Variants in CPA6 observed in about 807,000 individuals in gnomAD.
The protein encoded by CPA6 is carboxypeptidase A6.
A neutral mutation model predicts 63.3 loss-of-function variants in CPA6; 58 were observed. The ratio of observed to expected loss-of-function variants is 0.92; its 90% CI spans 0.74 to 1.14. CPA6 has a LOEUF of 1.14. Ranked by LOEUF, CPA6 falls within the 50% of genes most tolerant of loss-of-function variation. CPA6 has a pLI of 0.00. For synonymous variants in CPA6, 185 were observed against 179.0 expected, an observed-to-expected ratio of 1.03 and a Z score of -0.27; for missense variants, 565 against 526.6, an observed-to-expected ratio of 1.07 and a Z score of -0.71.
chr8:67,624,192 A>G lies in CPA6; in HGVS notation c.176T>C (p.Ile59Thr), dbSNP rs776350103. 2 of 1,548,926 alleles carry G rather than the reference A, an allele frequency of 1.3e-6. No homozygotes were observed. Among genetic ancestry groups the G allele is most frequent in the Non-Finnish European group, 1.8e-6 (2 of 1,122,506 alleles). The change falls in exon 2 of 11, where the codon ATA (isoleucine) becomes ACA (threonine). Residue 59 changes from isoleucine to threonine, a missense_variant. Ile to Thr is a moderately conservative substitution (Grantham distance 89, BLOSUM62 -1). Coordinates refer to ENST00000297770, the MANE Select transcript of CPA6 (RefSeq NM_020361.5). ...TEEEAYALKK[I>T]SYQLKVDLWQ... ...TTCTATTACCTTAAGTTGATAGGATATTTTCTTCAGTGCATATGCTTCCTC... is the reference window on the plus strand; with the variant it reads ...TTCTATTACCTTAAGTTGATAGGATGTTTTCTTCAGTGCATATGCTTCCTC...
intron 1 of CPA6, among the ~76,000 whole-genome samples, chr8:67,676,273 C>T (rs1816472907): frequency 6.6e-6 from 1 of 152,146 alleles, no homozygotes; most frequent in South Asian, 2.1e-4. Context: ...CATTCACTTC[C>T]CACCAAGTGG....
rs543283293 is a variant in CPA6, at chr8:67,587,749, G to A, written c.192+36427C>T. On this transcript the variant is annotated intron_variant, in intron 2 of 10. Coordinates refer to ENST00000297770, the MANE Select transcript of CPA6 (RefSeq NM_020361.5). ...GTGGGTCATTATGTGTTGTTGTGTAGGTAAAGGCTTACTAATTGTGTAAAG... is the reference window on the plus strand; with the variant it reads ...GTGGGTCATTATGTGTTGTTGTGTAAGTAAAGGCTTACTAATTGTGTAAAG... 2.6e-5 allele frequency among the ~76,000 whole-genome samples: 4 copies of A among 152,220 alleles called. No individual in the cohort carries two copies. The East Asian group carries it at 7.7e-4, about 29-fold the overall frequency.
At chr8:67,667,414 A>G (rs1816254338) in intron 1 of CPA6, among the ~76,000 whole-genome samples, 1 of 151,980 alleles carries the variant, frequency 6.6e-6, no homozygotes, top group South Asian at 2.1e-4. Flanking sequence ...CAGAGCCAAA[A>G]CCAGGGCCTG....
intron 2 of CPA6, among the ~76,000 whole-genome samples, chr8:67,559,781 G>A (rs530997967): frequency 1.3e-5 from 2 of 151,760 alleles, no homozygotes; most frequent in Admixed American, 6.6e-5. Context: ...CAACAAGATG[G>A]GAAATTTGTC....
intron 5 of CPA6, among the ~76,000 whole-genome samples, chr8:67,508,534 G>A (rs115292198): frequency 1.3e-5 from 2 of 152,092 alleles, no homozygotes; most frequent in South Asian, 4.1e-4. Flanking sequence ...AAGTAAGGCT[G>A]AGGATAGATT....
chr8:67,559,888 C>T (rs551715119), intron 2 of CPA6, among the ~76,000 whole-genome samples: 1 of 150,358 alleles, frequency 6.7e-6, no homozygotes, highest in South Asian at 2.1e-4. Flanking sequence ...CACACACACA[C>T]ATATATATAG....
intron 8 of CPA6, among the ~76,000 whole-genome samples, chr8:67,469,452 G>A (rs1309127157): frequency 1.3e-5 from 2 of 151,974 alleles, no homozygotes; most frequent in Non-Finnish European, 1.5e-5. Flanking sequence ...CTAAAAATAC[G>A]AAAATTAGCT....
intron 2 of CPA6, among the ~76,000 whole-genome samples, chr8:67,621,622 T>G (rs577731935): frequency 3.5e-4 from 54 of 152,372 alleles, no homozygotes; most frequent in African/African-American, 1.3e-3. Context: ...ACTTACTTCA[T>G]AAGATTGTTA....
chr8:67,745,137 T>C (rs1004146471), intron 1 of CPA6, among the ~76,000 whole-genome samples: 14 of 152,242 alleles, frequency 9.2e-5, no homozygotes, highest in African/African-American at 2.9e-4. Flanking sequence ...TGGTGATTAT[T>C]GAATGATAGT....
At chr8:67,450,283 T>TTAC (rs1048320949) in intron 8 of CPA6, among the ~76,000 whole-genome samples, 7 of 152,358 alleles carry the variant, frequency 4.6e-5, no homozygotes, top group Admixed American at 4.6e-4. Flanking sequence ...TTACTTCATA[T>TTAC]TTGGAATAAC....
intron 1 of CPA6, among the ~76,000 whole-genome samples, chr8:67,690,163 T>A (rs1171120665): frequency 2.0e-5 from 3 of 152,196 alleles, no homozygotes; most frequent in Admixed American, 1.3e-4. Flanking sequence ...GTAGAGGAAC[T>A]GTGTGTTACT....
chr8:67,642,715 A>T (rs1396434829), intron 1 of CPA6, among the ~76,000 whole-genome samples: 3 of 151,970 alleles, frequency 2.0e-5, no homozygotes, highest in African/African-American at 7.3e-5. Flanking sequence ...ATCAGCAGGG[A>T]AAGGATGAAC....
chr8:67,487,083 C>T (rs573761395), intron 6 of CPA6, among the ~76,000 whole-genome samples: 2 of 152,032 alleles, frequency 1.3e-5, no homozygotes, highest in East Asian at 3.9e-4. Flanking sequence ...ACTTTAAATT[C>T]TAGGGTACAT....
At chr8:67,687,148 A>G (rs140250796) in intron 1 of CPA6, among the ~76,000 whole-genome samples, 3 of 152,320 alleles carry the variant, frequency 2.0e-5, no homozygotes, top group African/African-American at 4.8e-5. Flanking sequence ...GGGATAAATA[A>G]TAGGAATCTC....
At chr8:67,619,265 G>A (rs960198759) in intron 2 of CPA6, among the ~76,000 whole-genome samples, 1 of 152,210 alleles carries the variant, frequency 6.6e-6, no homozygotes, top group Non-Finnish European at 1.5e-5. Context: ...CAAAGGCCAA[G>A]ATGTAGGTTG....
chr8:67,637,127 T>C (rs1366163469), intron 1 of CPA6, among the ~76,000 whole-genome samples: 1 of 151,718 alleles, frequency 6.6e-6, no homozygotes, highest in Non-Finnish European at 1.5e-5. Flanking sequence ...GTTGTTGCAG[T>C]TAATTTAACA....
chr8:67,472,632 T>C (rs1021765578), intron 8 of CPA6, among the ~76,000 whole-genome samples: 42 of 152,232 alleles, frequency 2.8e-4, no homozygotes, highest in African/African-American at 9.6e-4. Flanking sequence ...TTTGTCATGT[T>C]GCCCAGGCTG....
At chr8:67,689,264 ACTTC>A (rs1816768541) in intron 1 of CPA6, among the ~76,000 whole-genome samples, 1 of 151,404 alleles carries the variant, frequency 6.6e-6, no homozygotes, top group Non-Finnish European at 1.5e-5. Context: ...TCAGATATAA[ACTTC>A]TTCTTCAAAA....
intron 1 of CPA6, among the ~76,000 whole-genome samples, chr8:67,627,538 A>C (rs986872024): frequency 6.6e-6 from 1 of 152,226 alleles, no homozygotes; most frequent in Non-Finnish European, 1.5e-5. Flanking sequence ...AAAGAATTGA[A>C]TATGGGTTGA....
Sources: gnomAD v4.1 joint callset for allele counts (sites outside exome capture counted in the v4.1 genomes callset) on GRCh38, gnomAD v4.1.1 for gene constraint, MANE v1.5 for transcripts, NCBI Gene and HGNC (gene_info 2026-07-23, HGNC 2026-07-21) for gene names.